LINGO2: variants seen among roughly 807,000 people sequenced by gnomAD.
LINGO2 encodes the protein leucine rich repeat and Ig domain containing 2.
In LINGO2, 14 loss-of-function variants were observed where a neutral mutation model predicts 30.6. The ratio of observed to expected loss-of-function variants is 0.46; its 90% confidence interval spans 0.30 to 0.72. The LOEUF is 0.72. Among genes scored for constraint, LINGO2 ranks in the 30% least tolerant of loss-of-function variants. The pLI is 0.07. For missense variants in LINGO2, 729 were observed against 751.7 expected, an observed-to-expected ratio of 0.97 and a Z score of 0.35; for synonymous variants, 317 against 288.5, an observed-to-expected ratio of 1.10 and a Z score of -1.00.
intron 3 of LINGO2, among the ~76,000 whole-genome samples, chr9:28,299,788 C>A (rs1014503570): frequency 2.0e-5 from 3 of 151,966 alleles, no homozygotes; most frequent in Non-Finnish European, 2.9e-5. Flanking sequence ...AAGATTCACT[C>A]AATTTATAGA....
the LINGO2 span, among the ~76,000 whole-genome samples, chr9:28,985,531 C>A: frequency 6.6e-6 from 1 of 152,028 alleles, no homozygotes; most frequent in African/African-American, 2.4e-5. Context: ...CATGTGTTAT[C>A]CTTCATCTTT....
At chr9:29,135,183 T>C in the LINGO2 span, among the ~76,000 whole-genome samples, 2 of 152,298 alleles carry the variant, frequency 1.3e-5, no homozygotes, top group South Asian at 4.1e-4. Flanking sequence ...TACTAATTTA[T>C]TCCCTTTCTG....
chr9:28,088,663 C>A (rs962472266), intron 4 of LINGO2, among the ~76,000 whole-genome samples: 10 of 152,150 alleles, frequency 6.6e-5, no homozygotes, highest in Admixed American at 1.3e-4. Context: ...AACTAAAGAG[C>A]AAAATAACCA....
rs373199153 is a variant in LINGO2, at chr9:28,501,224, G to T, written c.-364-25199C>A. On this transcript the variant is annotated intron_variant, in intron 1 of 5. Coordinates refer to ENST00000379992, the Ensembl canonical transcript of LINGO2. Reference sequence around the variant, plus strand: ...TACACAAATTGTTGGTAATTAGGAAGTATTTATTTCTGCTAAAGATAAGGC... The same window carrying T: ...TACACAAATTGTTGGTAATTAGGAATTATTTATTTCTGCTAAAGATAAGGC... 4.2e-4 allele frequency among the ~76,000 whole-genome samples: 64 copies of T among 152,262 alleles called. No homozygotes were observed. The East Asian group carries it at 8.1e-3, about 19-fold the overall frequency.
At chr9:28,361,036 A>AT (rs957977151) in intron 3 of LINGO2, among the ~76,000 whole-genome samples, 2 of 152,206 alleles carry the variant, frequency 1.3e-5, no homozygotes, top group African/African-American at 4.8e-5. Context: ...AAATTAATGC[A>AT]TTTTAAACTG....
At chr9:28,136,733 G>T (rs182683111) in intron 4 of LINGO2, among the ~76,000 whole-genome samples, 4 of 152,084 alleles carry the variant, frequency 2.6e-5, no homozygotes, top group African/African-American at 9.7e-5. Flanking sequence ...GGTAAATTTT[G>T]TGTGTCAACT....
upstream of LINGO2, among the ~76,000 whole-genome samples, chr9:28,674,206 A>G (rs1308382443): frequency 2.0e-5 from 3 of 152,160 alleles, no homozygotes; most frequent in African/African-American, 7.2e-5. Flanking sequence ...CAAGGCTAGG[A>G]ATATGTAAAT....
chr9:27,978,862 T>C (rs1267918231), intron 5 of LINGO2, among the ~76,000 whole-genome samples: 3 of 152,058 alleles, frequency 2.0e-5, no homozygotes, highest in Non-Finnish European at 2.9e-5. Context: ...AGAAAAGCTA[T>C]TGATTCTTTT....
At chr9:28,203,331 G>A (rs572273511) in intron 4 of LINGO2, among the ~76,000 whole-genome samples, 3 of 152,270 alleles carry the variant, frequency 2.0e-5, no homozygotes, top group African/African-American at 7.2e-5. Flanking sequence ...GTCAAGGGAG[G>A]AAGCACCTAT....
At chr9:28,495,884 A>T (rs1006459450) in intron 1 of LINGO2, among the ~76,000 whole-genome samples, 43 of 152,294 alleles carry the variant, frequency 2.8e-4, no homozygotes, top group African/African-American at 9.4e-4. Flanking sequence ...GTTTCCAGGA[A>T]CATCTTTATT....
chr9:28,267,807 G>A (rs923940865), intron 4 of LINGO2, among the ~76,000 whole-genome samples: 1 of 151,944 alleles, frequency 6.6e-6, no homozygotes, highest in African/African-American at 2.4e-5. Context: ...ATGGAGCCTA[G>A]CACAGCATCT....
At chr9:28,187,344 C>A (rs1564026996) in intron 4 of LINGO2, among the ~76,000 whole-genome samples, 1 of 151,934 alleles carries the variant, frequency 6.6e-6, no homozygotes, top group East Asian at 1.9e-4. Context: ...ACAAAAATCA[C>A]CTGAGCATGG....
intron 3 of LINGO2, among the ~76,000 whole-genome samples, chr9:28,351,179 A>G (rs1195971960): frequency 1.3e-5 from 2 of 151,108 alleles, no homozygotes; most frequent in African/African-American, 2.4e-5. Flanking sequence ...AAGAGACACA[A>G]AAAACCCTTC....
the LINGO2 span, among the ~76,000 whole-genome samples, chr9:28,905,709 G>A: frequency 6.6e-6 from 1 of 151,960 alleles, no homozygotes; most frequent in Non-Finnish European, 1.5e-5. Context: ...CACTGCTGGT[G>A]GCAATGTAAA....
intron 1 of LINGO2, among the ~76,000 whole-genome samples, chr9:28,588,800 G>A (rs1427119690): frequency 1.3e-5 from 2 of 152,002 alleles, no homozygotes; most frequent in South Asian, 4.1e-4. Flanking sequence ...TTACTAGTCA[G>A]GCCATGCAGC....
intron 1 of LINGO2, among the ~76,000 whole-genome samples, chr9:28,508,686 C>T (rs923597150): frequency 1.3e-5 from 2 of 151,920 alleles, no homozygotes; most frequent in African/African-American, 4.8e-5. Context: ...TTATTTAATT[C>T]CTTTCCTTGG....
chr9:29,088,950 T>C, the LINGO2 span, among the ~76,000 whole-genome samples: 1 of 152,076 alleles, frequency 6.6e-6, no homozygotes, highest in East Asian at 1.9e-4. Context: ...GCAAATAATT[T>C]TTATAAAATG....
chr9:28,072,199 A>G (rs2133179182), intron 4 of LINGO2, among the ~76,000 whole-genome samples: 1 of 152,306 alleles, frequency 6.6e-6, no homozygotes, highest in African/African-American at 2.4e-5. Context: ...ATGAACTGGC[A>G]CAGTTGATGT....
intron 2 of LINGO2, among the ~76,000 whole-genome samples, chr9:28,457,800 T>G (rs1275257406): frequency 1.3e-5 from 2 of 152,080 alleles, no homozygotes; most frequent in African/African-American, 4.8e-5. Flanking sequence ...AGAGCAACAT[T>G]GTATATGAAT....
Sources: gnomAD v4.1 joint callset for allele counts (sites outside exome capture counted in the v4.1 genomes callset) on GRCh38, gnomAD v4.1.1 for gene constraint, MANE v1.5 for transcripts, NCBI Gene and HGNC (gene_info 2026-07-23, HGNC 2026-07-21) for gene names.